The following FRMD4B variants were observed in gnomAD, a reference collection of about 807,000 sequenced individuals.
The protein encoded by FRMD4B is FERM domain-containing protein 4B.
Under a neutral mutation model 141.5 loss-of-function variants are expected in FRMD4B, and 74 were observed. That is an observed-to-expected ratio of 0.52 (90% CI 0.43 to 0.63). The LOEUF (loss-of-function observed/expected upper bound fraction) is 0.63. Among genes scored for constraint, FRMD4B ranks in the 30% least tolerant of loss-of-function variants. The pLI, the probability that FRMD4B is intolerant of heterozygous loss-of-function variation, is 0.00. For missense variants in FRMD4B, 1,366 were observed against 1,253.4 expected (o/e 1.09, Z -1.36); for synonymous variants, 506 against 467.9 (o/e 1.08, Z -1.05).
chr3:69,472,435 TA>T (rs1340358633), intron 1 of FRMD4B: 12 of 453,540 alleles, frequency 2.6e-5, no homozygotes, highest in African/African-American at 1.2e-4. Flanking sequence ...AATTAATCAC[TA>T]AAAAGGCCAA....
chr3:69,203,455 C>T (rs12494107), intron 11 of FRMD4B, among the ~76,000 whole-genome samples: 15,586 of 151,744 alleles, frequency 0.1, 1,022 homozygotes, highest in East Asian at 0.35. Flanking sequence ...TTATCCATTT[C>T]TTTTCCATCA....
chr3:69,193,924 C>A (rs956154912), intron 16 of FRMD4B, 51 bp from the exon 17 acceptor site: 16 of 1,112,894 alleles, frequency 1.4e-5, no homozygotes, highest in Non-Finnish European at 1.9e-5. Context: ...ACAATCAACT[C>A]TTACATGCAT....
intron 4 of FRMD4B, among the ~76,000 whole-genome samples, chr3:69,296,354 T>C (rs1444972735): frequency 1.3e-5 from 2 of 151,996 alleles, no homozygotes; most frequent in Non-Finnish European, 2.9e-5. Flanking sequence ...CACCGAGAAA[T>C]AGAATCCTGT....
chr3:69,263,983 G>A (rs758508436), intron 5 of FRMD4B, among the ~76,000 whole-genome samples: 1 of 151,214 alleles, frequency 6.6e-6, no homozygotes, highest in Non-Finnish European at 1.5e-5. Flanking sequence ...ACACCCCCAA[G>A]CCCTGCTAAT....
At chr3:69,481,373 T>C (rs1706122479) in intron 1 of FRMD4B, among the ~76,000 whole-genome samples, 1 of 152,182 alleles carries the variant, frequency 6.6e-6, no homozygotes, top group South Asian at 2.1e-4. Flanking sequence ...CTTATATTTT[T>C]TCTTTGCTCA....
intron 1 of FRMD4B, among the ~76,000 whole-genome samples, chr3:69,323,935 C>T (rs993984665): frequency 6.6e-6 from 1 of 152,068 alleles, no homozygotes; most frequent in African/African-American, 2.4e-5. Flanking sequence ...ACCTTGATTG[C>T]GAAGCCTAAC....
intron 7 of FRMD4B, among the ~76,000 whole-genome samples, chr3:69,247,184 G>A (rs984114891): frequency 2.6e-5 from 4 of 152,052 alleles, no homozygotes; most frequent in African/African-American, 7.2e-5. Context: ...CCTGGGCAAC[G>A]TTTACATACA....
chr3:69,510,752 C>T (rs567432804), intron 1 of FRMD4B, among the ~76,000 whole-genome samples: 1 of 152,262 alleles, frequency 6.6e-6, no homozygotes, highest in South Asian at 2.1e-4. Context: ...TTCCAGACCA[C>T]CCACATTTAC....
chr3:69,535,465 A>G (rs1363814502), intron 1 of FRMD4B, among the ~76,000 whole-genome samples: 1 of 152,220 alleles, frequency 6.6e-6, no homozygotes, highest in Non-Finnish European at 1.5e-5. Flanking sequence ...TATCGTTACC[A>G]TTAGTTCTAC....
chr3:69,274,386 A>G (rs2106949568), intron 5 of FRMD4B, among the ~76,000 whole-genome samples: 1 of 152,240 alleles, frequency 6.6e-6, no homozygotes, highest in East Asian at 1.9e-4. Flanking sequence ...CCACCACCCC[A>G]TTATGCACCT....
chr3:69,382,890 T>C (rs893990992), intron 1 of FRMD4B, among the ~76,000 whole-genome samples: 5 of 152,188 alleles, frequency 3.3e-5, no homozygotes, highest in African/African-American at 4.8e-5. Context: ...GAAAGCATGG[T>C]ACCCTGATCA....
chr3:69,292,237 A>T (rs1346408782), intron 4 of FRMD4B, among the ~76,000 whole-genome samples: 1 of 152,166 alleles, frequency 6.6e-6, no homozygotes, highest in Non-Finnish European at 1.5e-5. Flanking sequence ...GCCAAACTGA[A>T]ATCCATAGAA....
intron 5 of FRMD4B, among the ~76,000 whole-genome samples, chr3:69,261,078 C>G (rs1001596242): frequency 1.3e-5 from 2 of 152,308 alleles, no homozygotes; most frequent in East Asian, 3.9e-4. Context: ...TCGCAACCTG[C>G]TTGGGTCACT....
chr3:69,520,371 A>G (rs908050935), intron 1 of FRMD4B, among the ~76,000 whole-genome samples: 2 of 143,140 alleles, frequency 1.4e-5, no homozygotes, highest in African/African-American at 5.2e-5. Flanking sequence ...TGGAATATAT[A>G]TATATGATGG....
intron 1 of FRMD4B, among the ~76,000 whole-genome samples, chr3:69,330,916 T>A (rs1249642528): frequency 6.6e-6 from 1 of 152,200 alleles, no homozygotes; most frequent in Non-Finnish European, 1.5e-5. Flanking sequence ...TGTTTCCAAC[T>A]TTTTCATTCA....
At chr3:69,320,568 A>C (rs1701962759) in intron 1 of FRMD4B, among the ~76,000 whole-genome samples, 1 of 152,174 alleles carries the variant, frequency 6.6e-6, no homozygotes, top group Non-Finnish European at 1.5e-5. Context: ...CTGTCTCTAA[A>C]AGCAAAAACC....
At chr3:69,314,961 C>A (rs573792028) in intron 1 of FRMD4B, among the ~76,000 whole-genome samples, 1 of 152,290 alleles carries the variant, frequency 6.6e-6, no homozygotes, top group South Asian at 2.1e-4. Flanking sequence ...GCCAGGAGTT[C>A]AAGACGGTAG....
chr3:69,351,375 G>T (rs1402159640), intron 1 of FRMD4B, among the ~76,000 whole-genome samples: 1 of 152,132 alleles, frequency 6.6e-6, no homozygotes, highest in African/African-American at 2.4e-5. Context: ...GGCCTCTGCT[G>T]AGAGCTCACT....
chr3:69,278,117 G>A (rs1384146360), intron 5 of FRMD4B, among the ~76,000 whole-genome samples: 1 of 152,210 alleles, frequency 6.6e-6, no homozygotes, highest in Non-Finnish European at 1.5e-5. Context: ...GCCTCCCAAA[G>A]TGCTGGGATT....
Sources: allele counts gnomAD v4.1 joint callset (sites outside exome capture counted in the v4.1 genomes callset), GRCh38; gene constraint gnomAD v4.1.1; transcripts MANE v1.5; gene names NCBI Gene and HGNC (gene_info 2026-07-23, HGNC 2026-07-21).